The following CTNNBIP1 variants were observed in gnomAD, a reference collection of about 807,000 sequenced individuals.
The protein encoded by CTNNBIP1 is beta-catenin-interacting protein 1.
Under a neutral mutation model 11.8 loss-of-function variants are expected in CTNNBIP1, and 7 were observed. The ratio of observed to expected loss-of-function variants is 0.60; its 90% CI spans 0.34 to 1.12. The LOEUF is 1.12. Ranked by LOEUF, CTNNBIP1 falls within the 50% of genes most tolerant of loss-of-function variation. The pLI is 0.03. For synonymous variants in CTNNBIP1, 58 were observed against 43.9 expected (o/e 1.32, Z -1.26); for missense variants, 101 against 113.4 (o/e 0.89, Z 0.50).
chr1:9,873,314 G>A (rs931483813), intron 3 of CTNNBIP1, among the ~76,000 whole-genome samples: 1 of 152,068 alleles, frequency 6.6e-6, no homozygotes, highest in Non-Finnish European at 1.5e-5. Context: ...ACCTCCTCCT[G>A]GGCCCAGAAA....
chr1:9,885,130 A>G (rs777215032), intron 1 of CTNNBIP1, among the ~76,000 whole-genome samples: 39 of 152,164 alleles, frequency 2.6e-4, no homozygotes, highest in Non-Finnish European at 5.1e-4. Flanking sequence ...GGGCAGCAGC[A>G]GAGGGTGAGG....
At chr1:9,874,815 C>T (rs1403753402) in intron 3 of CTNNBIP1, among the ~76,000 whole-genome samples, 1 of 152,228 alleles carries the variant, frequency 6.6e-6, no homozygotes, top group Non-Finnish European at 1.5e-5. Context: ...AGTACCTAAC[C>T]CAGTCTCCCA....
chr1:9,855,615 TA>T (rs1557743704), intron 5 of CTNNBIP1, among the ~76,000 whole-genome samples: 1 of 151,756 alleles, frequency 6.6e-6, no homozygotes, highest in East Asian at 1.9e-4. Flanking sequence ...TTGCAGCATC[TA>T]AAAAAATTAA....
At chr1:9,857,155 CAAT>C (rs1638522138) in intron 5 of CTNNBIP1, among the ~76,000 whole-genome samples, 1 of 150,434 alleles carries the variant, frequency 6.6e-6, no homozygotes, top group East Asian at 2.0e-4. Context: ...AAAAAACCCT[CAAT>C]AATAAAAAAG....
chr1:9,862,603 G>A (rs927991943), intron 5 of CTNNBIP1, among the ~76,000 whole-genome samples: 2 of 152,140 alleles, frequency 1.3e-5, no homozygotes, highest in African/African-American at 2.4e-5. Context: ...ACCTCCACCC[G>A]ACCCCAAGCT....
intron 5 of CTNNBIP1, among the ~76,000 whole-genome samples, chr1:9,864,936 G>GC (rs1361577737): frequency 6.6e-6 from 1 of 152,200 alleles, no homozygotes; most frequent in Non-Finnish European, 1.5e-5. Context: ...GCTTAAAAAA[G>GC]CATGTGGCTG....
At chr1:9,875,327 TCCAGG>T (rs1048880313) in intron 3 of CTNNBIP1, among the ~76,000 whole-genome samples, 4 of 152,218 alleles carry the variant, frequency 2.6e-5, no homozygotes, top group African/African-American at 9.6e-5. Flanking sequence ...GAGCCAGTGG[TCCAGG>T]TACACAGTAG....
At position 9,871,353 on chromosome 1, in the gene CTNNBIP1, C is replaced by T; in HGVS notation, c.97-76G>A. 1 of 1,093,782 alleles carries T rather than the reference C, an allele frequency of 9.1e-7. No individual in the cohort carries two copies. The highest frequency in any genetic ancestry group is 1.3e-6 in the Non-Finnish European group (1 of 741,138). The allele number at this position is 1,093,782 out of a possible 1,614,324, so 67.8% of individuals were successfully genotyped here. A position where few individuals can be genotyped will look rare whatever the true frequency, so the allele number is the denominator to read the frequency against. ...AAGGCACCTGCACCCCTAGAGGCAC[C>T]GCCTAGGCCTGCTTGGTCCCTGCTT... On this transcript the variant is annotated intron_variant, in intron 4 of 5. Coordinates refer to ENST00000377263, the MANE Select transcript of CTNNBIP1 (RefSeq NM_020248.3). This position sits in a 1 kb window ranked among gnomAD's most constrained non-coding sequence, Gnocchi z 5.2.
In CTNNBIP1 at chr1:9,851,108, C is replaced by A. The variant is rs1216099056; in HGVS notation, c.188-332G>T. 1.3e-5 allele frequency among the ~76,000 whole-genome samples: 2 copies of A among 152,178 alleles called. No homozygotes were observed. The highest frequency in any genetic ancestry group is 2.9e-5 in the Non-Finnish European group (2 of 68,032). On this transcript the variant is annotated intron_variant, in intron 5 of 5. Transcript: ENST00000377263. This position sits in a 1 kb window ranked among gnomAD's most constrained non-coding sequence, Gnocchi z 4.8. ...CTCAGCGCTGCTCACAGCCCTTGCT[C>A]CAGAGTTACCAAAGCCAGAGGCGGG...
intron 5 of CTNNBIP1, among the ~76,000 whole-genome samples, chr1:9,861,740 C>T (rs548053235): frequency 6.6e-6 from 1 of 152,308 alleles, no homozygotes; most frequent in East Asian, 1.9e-4. Context: ...CAGCTAAAGG[C>T]CCTCCTAGGC....
chr1:9,879,471 C>T lies in CTNNBIP1; in HGVS notation c.-109-1482G>A, dbSNP rs190524434. Among the ~76,000 whole-genome samples the T allele has an allele frequency of 4.1e-3, 625 of 152,212 alleles. 3 individuals are homozygous for T. The highest frequency in any genetic ancestry group is 6.9e-3 in the Non-Finnish European group (472 of 68,028). On this transcript the variant is annotated intron_variant, in intron 2 of 5. Transcript: ENST00000377263. ...AAGCCTCCCCTAAAGTCAGACATCG[C>T]TGTAAACCTCTGACTCTCTGTTCTG...
In CTNNBIP1 at chr1:9,867,602, T is replaced by G. The variant is rs1403099125; in HGVS notation, c.187+3585A>C. ...GAGTCCCGGGGTAGATGGAGCCTCC[T>G]CTGGCTCAGGGAACACCTAAAGCAG... On this transcript the variant is annotated intron_variant, in intron 5 of 5. Coordinates refer to ENST00000377263, the MANE Select transcript of CTNNBIP1 (RefSeq NM_020248.3). The surrounding 1 kb of genome is among the most constrained non-coding windows in gnomAD (Gnocchi z 4.6). Among the ~76,000 whole-genome samples the G allele has an allele frequency of 6.6e-6, 1 of 152,172 alleles. No homozygotes were observed. Among genetic ancestry groups the G allele is most frequent in the Non-Finnish European group, 1.5e-5 (1 of 68,010 alleles).
Position 9,910,233 on chromosome 1 carries a change from C to T in CTNNBIP1, c.-282G>A, listed in dbSNP as rs1639709561. 6.8e-6 allele frequency: 1 copy of T among 147,478 alleles called. No homozygotes were observed. Among genetic ancestry groups the T allele is most frequent in the Admixed American group, 6.7e-5 (1 of 14,830 alleles). 9.1% of individuals were successfully genotyped at this position (147,478 alleles called of 1,614,324 possible). A position where few individuals can be genotyped will look rare whatever the true frequency, so the allele number is the denominator to read the frequency against. ...CAGCAGCAGGAGCGGCCGCCTCAGC[C>T]TCCGCCTCCCGCTCCGAGAGTCACC... On this transcript the variant is annotated 5_prime_UTR_variant, in exon 1 of 6. Coordinates refer to ENST00000377263, the MANE Select transcript of CTNNBIP1 (RefSeq NM_020248.3).
At chr1:9,860,299 C>T (rs1202889082) in intron 5 of CTNNBIP1, among the ~76,000 whole-genome samples, 1 of 151,894 alleles carries the variant, frequency 6.6e-6, no homozygotes, top group Non-Finnish European at 1.5e-5. Flanking sequence ...AATTCAGAAC[C>T]AGGATTCTAG....
intron 5 of CTNNBIP1, among the ~76,000 whole-genome samples, chr1:9,856,895 G>GC (rs1638513405): frequency 6.6e-6 from 1 of 151,818 alleles, no homozygotes; most frequent in Non-Finnish European, 1.5e-5. Context: ...AGGCCGAGAT[G>GC]GGGGATCACC....
chr1:9,898,237 A>G (rs1189747559), intron 1 of CTNNBIP1, among the ~76,000 whole-genome samples: 1 of 151,962 alleles, frequency 6.6e-6, no homozygotes, highest in Non-Finnish European at 1.5e-5. Flanking sequence ...TAATTAAAAG[A>G]ACAGTGGGCC....
chr1:9,856,949 CCA>C (rs1260803085), intron 5 of CTNNBIP1, among the ~76,000 whole-genome samples: 1 of 151,100 alleles, frequency 6.6e-6, no homozygotes, highest in Non-Finnish European at 1.5e-5. Flanking sequence ...ATGGTGAAAC[CCA>C]GTCTCTACTA....
intron 1 of CTNNBIP1, among the ~76,000 whole-genome samples, chr1:9,905,854 G>A (rs150147522): frequency 9.6e-4 from 146 of 152,226 alleles, no homozygotes; most frequent in South Asian, 2.1e-3. Flanking sequence ...CATAGCATCC[G>A]CAACAGTGCC....
In CTNNBIP1 at chr1:9,872,458, A is replaced by G. The variant is rs1288964516; in HGVS notation, c.-24-370T>C. On this transcript the variant is annotated intron_variant, in intron 3 of 5. Transcript: ENST00000377263. The surrounding 1 kb of genome is among the most constrained non-coding windows in gnomAD (Gnocchi z 4.0). ...AGGACACGTGGTGCATGAAGCCCCAAATGTCCCAGGTTTTCAGAACAACTT... is the reference window on the plus strand; with the variant it reads ...AGGACACGTGGTGCATGAAGCCCCAGATGTCCCAGGTTTTCAGAACAACTT... Among the ~76,000 whole-genome samples, 1 of 152,220 alleles carries G rather than the reference A, an allele frequency of 6.6e-6. No homozygotes were observed. Among genetic ancestry groups the G allele is most frequent in the East Asian group, 1.9e-4 (1 of 5,198 alleles).
Sources: allele counts gnomAD v4.1 joint callset (sites outside exome capture counted in the v4.1 genomes callset), GRCh38; gene constraint gnomAD v4.1.1; non-coding constraint Gnocchi (gnomAD v3.1); transcripts MANE v1.5; gene names NCBI Gene and HGNC (gene_info 2026-07-23, HGNC 2026-07-21).